Variants in DAB1 observed in about 807,000 individuals in gnomAD.
The protein encoded by DAB1 is DAB adaptor protein 1, also known as disabled homolog 1.
A neutral mutation model predicts 64.6 loss-of-function variants in DAB1; 15 were observed. That is an observed-to-expected ratio of 0.23 (90% CI 0.16 to 0.36). The LOEUF (loss-of-function observed/expected upper bound fraction) is 0.36. DAB1 is among the 10% of genes least tolerant of loss of function. The pLI is 1.00. For synonymous variants in DAB1, 235 were observed against 251.9 expected (o/e 0.93, Z 0.64); for missense variants, 596 against 706.7 (o/e 0.84, Z 1.78).
chr1:58,432,951 G>A (rs754652059), intron 3 of DAB1, among the ~76,000 whole-genome samples: 11 of 152,214 alleles, frequency 7.2e-5, no homozygotes, highest in Non-Finnish European at 1.2e-4. Flanking sequence ...CTGGCTGCCA[G>A]CTTTGCCTCA....
chr1:58,355,437 AT>A lies in DAB1; in HGVS notation n.258-12035del, dbSNP rs1370366196. On this transcript the variant is annotated intron_variant and non_coding_transcript_variant, in intron 3 of 20. Coordinates refer to the DAB1 transcript ENST00000485760. ...TGGGATGCAGCCATGGAAGAGTTTAATTTTTTTTCCCCATCACTATTTTCTC... is the reference window on the plus strand; with the variant it reads ...TGGGATGCAGCCATGGAAGAGTTTAATTTTTTTCCCCATCACTATTTTCTC... 6.6e-5 allele frequency among the ~76,000 whole-genome samples: 10 copies of A among 152,230 alleles called. No individual in the cohort carries two copies. In the South Asian group the frequency reaches 1.7e-3, roughly 25 times the overall value.
chr1:57,732,346 C>T (rs918360024), intron 6 of DAB1, among the ~76,000 whole-genome samples: 1 of 152,198 alleles, frequency 6.6e-6, no homozygotes, highest in African/African-American at 2.4e-5. Flanking sequence ...CTACTGTCGA[C>T]TGTGCAGTCT....
intron 6 of DAB1, among the ~76,000 whole-genome samples, chr1:57,669,876 T>C (rs1646490467): frequency 6.6e-6 from 1 of 152,172 alleles, no homozygotes; most frequent in African/African-American, 2.4e-5. Flanking sequence ...ATTTGAAGAA[T>C]CTGCTGTTGA....
intron 6 of DAB1, among the ~76,000 whole-genome samples, chr1:57,682,726 G>C (rs181730167): frequency 5.3e-5 from 8 of 152,118 alleles, no homozygotes; most frequent in African/African-American, 1.7e-4. Flanking sequence ...GGTGTATGTA[G>C]CCCAGGAGCT....
rs113594827 is a variant in DAB1, at chr1:57,468,935, G to T, written n.626-177769C>A. Among the ~76,000 whole-genome samples the T allele has an allele frequency of 9.9e-3, 1,503 of 152,276 alleles. 21 individuals carry two copies. Among genetic ancestry groups the T allele is most frequent in the African/African-American group, 0.028 (1,151 of 41,554 alleles). ...AGGTTACAGAGATGAATAAAATAAG[G>T]TCTCCTGCTCCTGCAGGGGGTAAAA... On this transcript the variant is annotated intron_variant and non_coding_transcript_variant, in intron 7 of 20. Coordinates refer to the DAB1 transcript ENST00000485760.
At chr1:58,170,105 T>C (rs1392683282) in intron 4 of DAB1, among the ~76,000 whole-genome samples, 1 of 152,156 alleles carries the variant, frequency 6.6e-6, no homozygotes, top group Non-Finnish European at 1.5e-5. Context: ...CTTAGTCAAG[T>C]AAATGATAGA....
At chr1:58,041,783 G>A (rs929019104) in intron 5 of DAB1, among the ~76,000 whole-genome samples, 4 of 152,192 alleles carry the variant, frequency 2.6e-5, no homozygotes, top group Admixed American at 6.5e-5. Flanking sequence ...GAAGGATTAC[G>A]AGGCTGCATC....
At chr1:58,095,719 T>C (rs1106366) in intron 5 of DAB1, among the ~76,000 whole-genome samples, 34,722 of 152,132 alleles carry the variant, frequency 0.23, 4,446 homozygotes, top group East Asian at 0.39. Context: ...ACAAGGAAGA[T>C]GTACTGAATG....
chr1:57,032,696 C>T (rs1647001852), intron 9 of DAB1, among the ~76,000 whole-genome samples: 1 of 152,154 alleles, frequency 6.6e-6, no homozygotes, highest in Non-Finnish European at 1.5e-5. Context: ...AAAACCTAGT[C>T]ACTGGAACTT....
Position 57,845,280 on chromosome 1 carries a change from T to C in DAB1, n.88-18825A>G, listed in dbSNP as rs1163117797. On this transcript the variant is annotated intron_variant and non_coding_transcript_variant, in intron 1 of 1. Transcript: ENST00000477280. ...TCTGATGATTAAACTGTGAAGTGTTTAATTTTGTACTGCATGTTGGGGCTG... is the reference window on the plus strand; with the variant it reads ...TCTGATGATTAAACTGTGAAGTGTTCAATTTTGTACTGCATGTTGGGGCTG... Among the ~76,000 whole-genome samples, 22 of 152,168 alleles carry C rather than the reference T, an allele frequency of 1.4e-4. 1 individual carries two copies. Among genetic ancestry groups the C allele is most frequent in the Admixed American group, 1.4e-3 (22 of 15,280 alleles).
At chr1:57,968,687 A>G (rs1645726849) in intron 5 of DAB1, among the ~76,000 whole-genome samples, 1 of 152,216 alleles carries the variant, frequency 6.6e-6, no homozygotes, top group Non-Finnish European at 1.5e-5. Flanking sequence ...ATCTAAAAAA[A>G]TGAGAGATGG....
intron 2 of DAB1, among the ~76,000 whole-genome samples, chr1:57,213,858 C>G (rs1666215331): frequency 1.3e-5 from 2 of 152,176 alleles, no homozygotes; most frequent in Non-Finnish European, 2.9e-5. Context: ...TCTCTCTGGT[C>G]TTCTTTCCCT....
intron 6 of DAB1, among the ~76,000 whole-genome samples, chr1:57,717,028 CAGG>C (rs1647091923): frequency 1.3e-5 from 2 of 152,006 alleles, no homozygotes; most frequent in Non-Finnish European, 2.9e-5. Context: ...ATCACGAGGT[CAGG>C]AGTTCAAGAC....
intron 4 of DAB1, among the ~76,000 whole-genome samples, chr1:57,084,594 A>G (rs1652869151): frequency 6.6e-6 from 1 of 152,220 alleles, no homozygotes; most frequent in Non-Finnish European, 1.5e-5. Flanking sequence ...AAAGAAACCA[A>G]CATGAAATTA....
At chr1:57,389,350 T>C (rs1682144322) in intron 1 of DAB1, among the ~76,000 whole-genome samples, 1 of 152,206 alleles carries the variant, frequency 6.6e-6, no homozygotes, top group Non-Finnish European at 1.5e-5. Context: ...CTCTCCAGTA[T>C]GGCATGTAAG....
chr1:57,385,791 C>A (rs574050395), intron 1 of DAB1, among the ~76,000 whole-genome samples: 1 of 152,118 alleles, frequency 6.6e-6, no homozygotes, highest in Non-Finnish European at 1.5e-5. Context: ...TTAAAATGTC[C>A]CCAGAATGGC....
At chr1:57,941,680 C>A (rs1570037993) in intron 5 of DAB1, among the ~76,000 whole-genome samples, 1 of 151,912 alleles carries the variant, frequency 6.6e-6, no homozygotes, top group East Asian at 1.9e-4. Context: ...ACTAAAAATA[C>A]AAAAATTAGC....
chr1:57,637,129 A>C (rs1646066914), intron 7 of DAB1, among the ~76,000 whole-genome samples: 1 of 152,202 alleles, frequency 6.6e-6, no homozygotes, highest in East Asian at 1.9e-4. Flanking sequence ...GGATAAGATG[A>C]GATACTTACT....
chr1:58,300,715 A>AG (rs1662150651), intron 4 of DAB1, among the ~76,000 whole-genome samples: 1 of 148,520 alleles, frequency 6.7e-6, no homozygotes, highest in Non-Finnish European at 1.5e-5. Context: ...GAAGGAAGGA[A>AG]GAGAAAACTG....
Sources: allele counts gnomAD v4.1 joint callset (sites outside exome capture counted in the v4.1 genomes callset), GRCh38; gene constraint gnomAD v4.1.1; transcripts MANE v1.5; gene names NCBI Gene and HGNC (gene_info 2026-07-23, HGNC 2026-07-21).